The following DPP10 variants were observed in gnomAD, a reference collection of about 807,000 sequenced individuals.
The protein encoded by DPP10 is dipeptidyl peptidase like 10.
Under a neutral mutation model 120.9 loss-of-function variants are expected in DPP10, and 33 were observed. That is an observed-to-expected ratio of 0.27 (90% CI 0.21 to 0.37). DPP10 has a LOEUF of 0.37. Among genes scored for constraint, DPP10 ranks in the 10% least tolerant of loss-of-function variants. The pLI is 1.00. For synonymous variants in DPP10, 337 were observed against 326.1 expected (o/e 1.03, Z -0.36); for missense variants, 816 against 942.8 (o/e 0.87, Z 1.76).
At chr2:115,521,268 G>T (rs2077791386) in intron 4 of DPP10, among the ~76,000 whole-genome samples, 1 of 152,168 alleles carries the variant, frequency 6.6e-6, no homozygotes, top group Non-Finnish European at 1.5e-5. Flanking sequence ...TGGGGAACTT[G>T]TTCCTTTTCT....
intron 1 of DPP10, among the ~76,000 whole-genome samples, chr2:115,269,849 T>C (rs372465329): frequency 2.0e-5 from 3 of 152,132 alleles, no homozygotes; most frequent in African/African-American, 7.2e-5. Flanking sequence ...AGAAGCTGCC[T>C]ATCAAAGTAC....
chr2:114,766,440 G>A (rs1329396686), intron 1 of DPP10, among the ~76,000 whole-genome samples: 1 of 151,988 alleles, frequency 6.6e-6, no homozygotes, highest in Non-Finnish European at 1.5e-5. Context: ...CACATTCTTG[G>A]ACATTTATTC....
At chr2:115,747,594 C>CTTTTTTTTTTTTTT (rs3980905) in intron 10 of DPP10, among the ~76,000 whole-genome samples, 5 of 141,226 alleles carry the variant, frequency 3.5e-5, no homozygotes, top group Non-Finnish European at 6.1e-5. Flanking sequence ...ATCCCCTTGT[C>CTTTTTTTTTTTTTT]TTTTTTTTTT....
chr2:115,704,248 A>C (rs975444070), intron 7 of DPP10, among the ~76,000 whole-genome samples: 1 of 151,946 alleles, frequency 6.6e-6, no homozygotes, highest in Non-Finnish European at 1.5e-5. Context: ...ATTTAAAAAA[A>C]AAAAATTTCC....
chr2:115,796,247 C>A lies in DPP10; in HGVS notation c.1700+4891C>A, dbSNP rs1484004274. Among the ~76,000 whole-genome samples the A allele has an allele frequency of 3.3e-5, 5 of 152,196 alleles. No individual in the cohort carries two copies. In the East Asian group the frequency reaches 9.7e-4, roughly 29 times the overall value. ...GTTTGCCTGCCCACCTGGAGAAGTT[C>A]TCTTAAGACTTCCAGACACACTTCC... is the stretch of plus-strand genomic sequence containing the variant. On this transcript the variant is annotated intron_variant, in intron 19 of 25. Coordinates refer to ENST00000410059, the MANE Select transcript of DPP10 (RefSeq NM_020868.6).
intron 1 of DPP10, among the ~76,000 whole-genome samples, chr2:114,714,182 G>C (rs866036657): frequency 3.2e-4 from 49 of 151,586 alleles, no homozygotes; most frequent in African/African-American, 1.2e-3. Flanking sequence ...GAGTATTCTC[G>C]GGAGTTTCCT....
chr2:115,505,325 A>G (rs1427478755), intron 4 of DPP10, among the ~76,000 whole-genome samples: 2 of 152,134 alleles, frequency 1.3e-5, no homozygotes, highest in Non-Finnish European at 2.9e-5. Flanking sequence ...AATTAATTAG[A>G]TGACACTTGT....
At chr2:115,629,480 C>G (rs565330915) in intron 5 of DPP10, among the ~76,000 whole-genome samples, 11 of 152,182 alleles carry the variant, frequency 7.2e-5, no homozygotes, top group East Asian at 1.9e-4. Context: ...AGCACCTGTT[C>G]TTTCCTGACT....
intron 7 of DPP10, among the ~76,000 whole-genome samples, chr2:115,725,733 C>T (rs183574741): frequency 4.5e-4 from 68 of 152,168 alleles, no homozygotes; most frequent in African/African-American, 1.3e-3. Flanking sequence ...TGAGTAGTCC[C>T]GGTGTGCATG....
intron 5 of DPP10, among the ~76,000 whole-genome samples, chr2:115,661,703 C>G (rs1384209876): frequency 6.6e-6 from 1 of 152,122 alleles, no homozygotes; most frequent in East Asian, 1.9e-4. Flanking sequence ...CTGCCCACAC[C>G]TTTCATTTTT....
At chr2:114,621,844 T>G (rs564206350) in intron 1 of DPP10, among the ~76,000 whole-genome samples, 7 of 151,532 alleles carry the variant, frequency 4.6e-5, no homozygotes, top group Non-Finnish European at 8.8e-5. Context: ...TTCAATACCC[T>G]CAAAATGCAA....
intron 1 of DPP10, among the ~76,000 whole-genome samples, chr2:114,791,775 G>T (rs1209415051): frequency 1.3e-5 from 2 of 152,150 alleles, no homozygotes; most frequent in African/African-American, 4.8e-5. Flanking sequence ...TCAGAAACTT[G>T]CTACTCCATT....
intron 1 of DPP10, among the ~76,000 whole-genome samples, chr2:114,983,711 T>A (rs1352430425): frequency 6.6e-6 from 1 of 152,142 alleles, no homozygotes; most frequent in Non-Finnish European, 1.5e-5. Context: ...AAAATAATGA[T>A]AAAAGTAGAT....
intron 1 of DPP10, among the ~76,000 whole-genome samples, chr2:114,653,008 GAA>G (rs1236711133): frequency 0.031 from 4,486 of 144,338 alleles, 160 homozygotes; most frequent in African/African-American, 0.1. Context: ...GAGAGAGAGA[GAA>G]AGAGAGAGAG....
At chr2:115,146,310 G>A (rs992503729) in intron 1 of DPP10, among the ~76,000 whole-genome samples, 1 of 149,772 alleles carries the variant, frequency 6.7e-6, no homozygotes, top group Non-Finnish European at 1.5e-5. Flanking sequence ...GGGAGAAACT[G>A]AAACACACTC....
chr2:114,908,585 C>T (rs750769626), intron 1 of DPP10, among the ~76,000 whole-genome samples: 15 of 151,702 alleles, frequency 9.9e-5, no homozygotes, highest in Non-Finnish European at 1.9e-4. Flanking sequence ...CTTCTTTCTT[C>T]TTTTTGTGCT....
chr2:115,775,932 A>T (rs1309199227), intron 13 of DPP10, among the ~76,000 whole-genome samples: 1 of 152,204 alleles, frequency 6.6e-6, no homozygotes, highest in Non-Finnish European at 1.5e-5. Context: ...CATAGGATCC[A>T]AGTAAATTCA....
intron 1 of DPP10, among the ~76,000 whole-genome samples, chr2:114,555,281 GA>G (rs1413878767): frequency 2.6e-5 from 4 of 152,262 alleles, no homozygotes; most frequent in Admixed American, 2.6e-4. Context: ...TGGTTAGACT[GA>G]AAGTGTCTAA....
chr2:114,847,919 T>G (rs559417970), intron 1 of DPP10, among the ~76,000 whole-genome samples: 1 of 152,258 alleles, frequency 6.6e-6, no homozygotes, highest in East Asian at 1.9e-4. Flanking sequence ...ATAACAATAA[T>G]GACATCTAGA....
Sources: allele counts gnomAD v4.1 joint callset (sites outside exome capture counted in the v4.1 genomes callset), GRCh38; gene constraint gnomAD v4.1.1; transcripts MANE v1.5; gene names NCBI Gene and HGNC (gene_info 2026-07-23, HGNC 2026-07-21).